Variants in TDRD7 observed in about 807,000 individuals in gnomAD.
TDRD7 encodes the protein tudor domain-containing protein 7.
Under a neutral mutation model 109.8 loss-of-function variants are expected in TDRD7, and 47 were observed. The observed-to-expected ratio is 0.43, with a 90% CI of 0.34 to 0.55. The LOEUF (loss-of-function observed/expected upper bound fraction) is 0.55. Ranked by LOEUF, TDRD7 falls within the 20% of genes least tolerant of loss-of-function variation. The probability of loss-of-function intolerance (pLI) is 0.03; values close to 1 mark genes in which losing one functional copy is unlikely to be tolerated. For missense variants in TDRD7, 1,164 were observed against 1,319.2 expected (o/e 0.88, Z 1.82); for synonymous variants, 424 against 457.3 (o/e 0.93, Z 0.93).
rs747993875 is a variant in TDRD7, at chr9:97,473,489, T to C, written c.1945-3T>C. On this transcript the variant is annotated splice_polypyrimidine_tract_variant and splice_region_variant and intron_variant, in intron 10 of 16. Transcript: ENST00000355295. ...TTCACGAGGTATCCTTTGTCTGTTA[T>C]AGGTTGACGCCATGTACACAAATGT... The C allele has an allele frequency of 2.5e-6, 4 of 1,613,458 alleles. No individual in the cohort carries two copies. The highest frequency in any genetic ancestry group is 2.2e-5 in the East Asian group (1 of 44,860).
At chr9:97,451,329 C>G (rs899973575) in intron 6 of TDRD7, among the ~76,000 whole-genome samples, 1 of 152,020 alleles carries the variant, frequency 6.6e-6, no homozygotes, top group Non-Finnish European at 1.5e-5. Context: ...TTGCTCTGTC[C>G]CTTAGGCTGG....
At chr9:97,478,376 G>T (rs1161388617) in intron 12 of TDRD7, 63 bp from the exon 13 acceptor site, 2 of 1,594,764 alleles carry the variant, frequency 1.3e-6, no homozygotes, top group Admixed American at 1.7e-5. Context: ...AAATGTAATT[G>T]CACAGAAGCA....
At chr9:97,456,817 A>G (rs1216273172) in intron 6 of TDRD7, among the ~76,000 whole-genome samples, 1 of 152,216 alleles carries the variant, frequency 6.6e-6, no homozygotes, top group African/African-American at 2.4e-5. Context: ...GCCAAAATTC[A>G]CAAATGGTGT....
chr9:97,435,123 G>A (rs909973352), intron 4 of TDRD7, among the ~76,000 whole-genome samples: 5 of 151,652 alleles, frequency 3.3e-5, no homozygotes, highest in African/African-American at 7.3e-5. Flanking sequence ...GAATCTGTAC[G>A]TGTGGTAAAT....
intron 8 of TDRD7, among the ~76,000 whole-genome samples, chr9:97,467,556 T>G (rs1010227168): frequency 6.6e-6 from 1 of 152,226 alleles, no homozygotes; most frequent in African/African-American, 2.4e-5. Context: ...ATACAAGTCC[T>G]TCTTCTCAAG....
chr9:97,452,923 G>C (rs1828524554), intron 6 of TDRD7, among the ~76,000 whole-genome samples: 1 of 152,138 alleles, frequency 6.6e-6, no homozygotes, highest in Admixed American at 6.5e-5. Context: ...TATGTTATTA[G>C]GTAATTGGCA....
chr9:97,462,788 A>G (rs1338770549), intron 7 of TDRD7, among the ~76,000 whole-genome samples: 2 of 152,136 alleles, frequency 1.3e-5, no homozygotes, highest in Non-Finnish European at 2.9e-5. Flanking sequence ...CTCATCCAAC[A>G]CCGTCCATCT....
Position 97,460,377 on chromosome 9 carries a change from A to C in TDRD7, c.1055A>C (p.Tyr352Ser), listed in dbSNP as rs1211936208. 1.2e-6 allele frequency: 2 copies of C among 1,614,194 alleles called. No homozygotes were observed. The highest frequency in any genetic ancestry group is 1.7e-6 in the Non-Finnish European group (2 of 1,180,020). ...AAAGTGGCAGACCTGCTGGTGAAAT[A>C]CACAAGTGGCCTTTGGGCCAGTGCA... The part of the protein sequence containing the change: ...KEKVADLLVK[Y>S]TSGLWASALP... The change falls in exon 7 of 17, where the codon TAC becomes TCC. Residue 352 changes from tyrosine to serine, a missense_variant. Around this residue, in one of 5 missense-constraint regions of TDRD7, gnomAD observed 407 missense variants for 394.0 expected, o/e 1.03. Transcript: ENST00000355295.
At chr9:97,450,574 A>G (rs930075861) in intron 6 of TDRD7, among the ~76,000 whole-genome samples, 1 of 152,192 alleles carries the variant, frequency 6.6e-6, no homozygotes, top group Non-Finnish European at 1.5e-5. Context: ...GGAGATGAAC[A>G]TGTAAATCTT....
intron 10 of TDRD7, among the ~76,000 whole-genome samples, chr9:97,472,834 A>T (rs1828945760): frequency 6.6e-6 from 1 of 152,160 alleles, no homozygotes; most frequent in African/African-American, 2.4e-5. Context: ...TTTTAATGTG[A>T]AGAACATAAA....
intron 6 of TDRD7, among the ~76,000 whole-genome samples, chr9:97,446,735 C>T (rs1332651085): frequency 6.6e-6 from 1 of 152,148 alleles, no homozygotes; most frequent in Non-Finnish European, 1.5e-5. Context: ...AGGAATCTAA[C>T]TTAATTTTAA....
At chr9:97,440,577 A>G (rs940434338) in intron 5 of TDRD7, among the ~76,000 whole-genome samples, 3 of 152,178 alleles carry the variant, frequency 2.0e-5, no homozygotes, top group African/African-American at 7.2e-5. Context: ...CTCTGTGCCA[A>G]TCTAAGACTT....
At chr9:97,415,991 A>G (rs1175046890) in intron 1 of TDRD7, among the ~76,000 whole-genome samples, 1 of 152,210 alleles carries the variant, frequency 6.6e-6, no homozygotes, top group Non-Finnish European at 1.5e-5. Flanking sequence ...TAAAGCTTAC[A>G]CTTTCTTTTT....
Position 97,473,025 on chromosome 9 carries a change from A to G in TDRD7, c.1945-467A>G, listed in dbSNP as rs545360891. 2.0e-5 allele frequency among the ~76,000 whole-genome samples: 3 copies of G among 152,324 alleles called. No individual in the cohort carries two copies. The South Asian group carries it at 6.2e-4, about 32-fold the overall frequency. On this transcript the variant is annotated intron_variant, in intron 10 of 16. Transcript: ENST00000355295. ...TTTGACTAAAAATGGGTAAAATTGAATATTTACTTTGATTATGGTTTTTTA... is the reference window on the plus strand; with the variant it reads ...TTTGACTAAAAATGGGTAAAATTGAGTATTTACTTTGATTATGGTTTTTTA...
intron 11 of TDRD7, among the ~76,000 whole-genome samples, chr9:97,474,033 T>C (rs910106731): frequency 2.0e-5 from 3 of 152,202 alleles, no homozygotes; most frequent in Admixed American, 1.3e-4. Context: ...AGGAGGATAA[T>C]AAAACTTTCC....
chr9:97,432,330 TTTATC>T (rs1207297315), intron 4 of TDRD7, 92 bp downstream of exon 4: 33 of 1,141,334 alleles, frequency 2.9e-5, no homozygotes, highest in Non-Finnish European at 4.3e-5. Context: ...CACTTTCTAT[TTTATC>T]TAAGTTCACA....
intron 13 of TDRD7, among the ~76,000 whole-genome samples, chr9:97,479,171 A>G (rs1829073254): frequency 6.6e-6 from 1 of 152,224 alleles, no homozygotes; most frequent in Non-Finnish European, 1.5e-5. Flanking sequence ...TACAACTTCA[A>G]GATGCCCAGT....
chr9:97,426,545 A>G lies in TDRD7; in HGVS notation c.-6-1915A>G, dbSNP rs1008812629. Among the ~76,000 whole-genome samples, 2 of 152,210 alleles carry G rather than the reference A, an allele frequency of 1.3e-5. 1 individual carries two copies. Among genetic ancestry groups the G allele is most frequent in the East Asian group, 3.8e-4 (2 of 5,200 alleles). On this transcript the variant is annotated intron_variant, in intron 1 of 16. Transcript: ENST00000355295. The stretch of plus-strand genomic sequence containing the variant: ...TAGGACTGCAGGTGCGAGCCACTGC[A>G]TCTGGCCTCTTTTACTTTTTAAACT...
intron 1 of TDRD7, among the ~76,000 whole-genome samples, chr9:97,414,196 C>T (rs1170650014): frequency 6.6e-6 from 1 of 152,196 alleles, no homozygotes. Flanking sequence ...CTTTTGAAAG[C>T]TTCATTCTTG....
Sources: allele counts gnomAD v4.1 joint callset (sites outside exome capture counted in the v4.1 genomes callset), GRCh38; gene constraint gnomAD v4.1.1; regional missense constraint gnomAD v4.1.1; transcripts MANE v1.5; gene names NCBI Gene and HGNC (gene_info 2026-07-23, HGNC 2026-07-21).